Variants in ASAP1 observed in about 807,000 individuals in gnomAD.
ASAP1 encodes ArfGAP with SH3 domain, ankyrin repeat and PH domain 1.
Under a neutral mutation model 145.2 loss-of-function variants are expected in ASAP1, and 43 were observed. That is an observed-to-expected ratio of 0.30 (90% CI 0.23 to 0.38). The LOEUF (loss-of-function observed/expected upper bound fraction) is 0.38. ASAP1 is among the 10% of genes least tolerant of loss of function. The pLI is 1.00. For synonymous variants in ASAP1, 546 were observed against 515.5 expected (o/e 1.06, Z -0.80); for missense variants, 1,018 against 1,355.3 (o/e 0.75, Z 3.91).
rs71304303 is a variant in ASAP1 at position 130,283,587 on chromosome 8, GAAAAAAAAAAA to G, written c.187-46604_187-46594del. Among the ~76,000 whole-genome samples the G allele has an allele frequency of 1.4e-3, 29 of 20,882 alleles. 1 individual carries two copies. Among genetic ancestry groups the G allele is most frequent in the African/African-American group, 4.6e-3 (27 of 5,862 alleles). The allele number at this position is 20,882 out of a possible 152,430, so 13.7% of individuals were successfully genotyped here. A position where few individuals can be genotyped will look rare whatever the true frequency, so the allele number is the denominator to read the frequency against. On this transcript the variant is annotated intron_variant, in intron 3 of 29. Transcript: ENST00000518721. ...ACAGAACAAGACTCCATCACAGAAA[GAAAAAAAAAAA>G]AAAAAAAAAAAAAAAAGAAGGCAGG...
intron 14 of ASAP1, among the ~76,000 whole-genome samples, chr8:130,135,337 A>G (rs945513233): frequency 6.6e-6 from 1 of 152,116 alleles, no homozygotes; most frequent in African/African-American, 2.4e-5. Flanking sequence ...AAAAATTAAA[A>G]ATCAGCCAGA....
chr8:130,336,921 A>G (rs1825071985), intron 3 of ASAP1, among the ~76,000 whole-genome samples: 1 of 152,200 alleles, frequency 6.6e-6, no homozygotes. Flanking sequence ...TTATGAAAGA[A>G]TAAGAGAGAA....
chr8:130,119,230 C>T (rs182401142), intron 18 of ASAP1, among the ~76,000 whole-genome samples: 37 of 152,236 alleles, frequency 2.4e-4, no homozygotes, highest in African/African-American at 6.3e-4. Context: ...AGGTGTGAGC[C>T]GGCCTGTACC....
chr8:130,407,674 C>T (rs1260244703), intron 1 of ASAP1, among the ~76,000 whole-genome samples: 1 of 152,240 alleles, frequency 6.6e-6, no homozygotes, highest in Non-Finnish European at 1.5e-5. Flanking sequence ...TGCTTTTCCA[C>T]TGAAATTCTG....
At chr8:130,118,828 AAC>A (rs201887077) in intron 18 of ASAP1, 153 bp from the exon 19 acceptor site, 12,473 of 459,784 alleles carry the variant, frequency 0.027, 221 homozygotes, top group Non-Finnish European at 0.037. Flanking sequence ...AAATTACTCC[AAC>A]AGAGACAGAA....
chr8:130,092,978 GAAGA>G (rs1266427789), intron 24 of ASAP1, among the ~76,000 whole-genome samples: 8 of 146,260 alleles, frequency 5.5e-5, no homozygotes, highest in Non-Finnish European at 1.1e-4. Flanking sequence ...TCTAAATAAT[GAAGA>G]AAGAACTGGA....
At chr8:130,246,964 A>G (rs992776837) in intron 3 of ASAP1, 2 of 152,180 alleles carry the variant, frequency 1.3e-5, no homozygotes, top group Admixed American at 1.3e-4. Context: ...AAGAGGTCCA[A>G]CCTTTGCCTC....
At chr8:130,420,109 T>C (rs1829656030) in intron 1 of ASAP1, among the ~76,000 whole-genome samples, 1 of 152,064 alleles carries the variant, frequency 6.6e-6, no homozygotes, top group South Asian at 2.1e-4. Context: ...TACACCTACT[T>C]AAAGATTCCT....
At chr8:130,076,011 C>T (rs1437000465) in intron 27 of ASAP1, among the ~76,000 whole-genome samples, 1 of 152,174 alleles carries the variant, frequency 6.6e-6, no homozygotes, top group Non-Finnish European at 1.5e-5. Context: ...CTGCCCAAGG[C>T]CACACAGCTA....
At chr8:130,155,583 G>A (rs1458638801) in intron 12 of ASAP1, among the ~76,000 whole-genome samples, 1 of 152,188 alleles carries the variant, frequency 6.6e-6, no homozygotes, top group African/African-American at 2.4e-5. Flanking sequence ...GTGGGCTCAC[G>A]TGATCTGCCG....
chr8:130,056,808 G>T (rs2097405286), intron 29 of ASAP1, among the ~76,000 whole-genome samples: 1 of 152,238 alleles, frequency 6.6e-6, no homozygotes, highest in African/African-American at 2.4e-5. Flanking sequence ...AGGCTGCCAA[G>T]GAAGGGGAAT....
At chr8:130,327,941 A>G (rs113962157) in intron 3 of ASAP1, among the ~76,000 whole-genome samples, 3 of 152,350 alleles carry the variant, frequency 2.0e-5, no homozygotes, top group Non-Finnish European at 4.4e-5. Flanking sequence ...TAGACTAATG[A>G]CATGGAGAAA....
At chr8:130,333,728 T>C (rs1217786705) in intron 3 of ASAP1, among the ~76,000 whole-genome samples, 1 of 152,164 alleles carries the variant, frequency 6.6e-6, no homozygotes, top group Non-Finnish European at 1.5e-5. Context: ...CACCAGAAGA[T>C]TAATATTTTC....
intron 27 of ASAP1, among the ~76,000 whole-genome samples, chr8:130,070,398 T>C (rs909090633): frequency 1.4e-4 from 21 of 152,274 alleles, no homozygotes; most frequent in African/African-American, 4.8e-4. Flanking sequence ...CTGGAGAATG[T>C]TTCCCCTACC....
intron 9 of ASAP1, among the ~76,000 whole-genome samples, chr8:130,172,016 T>C (rs1813626390): frequency 1.3e-5 from 2 of 152,212 alleles, no homozygotes; most frequent in South Asian, 4.1e-4. Flanking sequence ...GAAGAAGCAA[T>C]GGCTTTGGGG....
At chr8:130,343,951 G>A (rs1182408928) in intron 3 of ASAP1, among the ~76,000 whole-genome samples, 2 of 152,280 alleles carry the variant, frequency 1.3e-5, no homozygotes, top group Middle Eastern at 3.4e-3. Flanking sequence ...CTGGTTAGTG[G>A]GCTTATGGAT....
chr8:130,373,700 C>G (rs1474482620), intron 2 of ASAP1, among the ~76,000 whole-genome samples: 1 of 151,650 alleles, frequency 6.6e-6, no homozygotes, highest in Non-Finnish European at 1.5e-5. Flanking sequence ...AATACAAAAA[C>G]AGCCAGGCAT....
chr8:130,295,567 C>T (rs968975396), intron 3 of ASAP1, among the ~76,000 whole-genome samples: 4 of 152,174 alleles, frequency 2.6e-5, no homozygotes, highest in Non-Finnish European at 5.9e-5. Context: ...TATGAAACAT[C>T]TAGCAAAAAG....
chr8:130,102,212 C>A (rs1237053708), intron 24 of ASAP1, among the ~76,000 whole-genome samples: 1 of 152,204 alleles, frequency 6.6e-6, no homozygotes, highest in African/African-American at 2.4e-5. Flanking sequence ...TTCCCCCATT[C>A]AGGATGATTT....
Sources: gnomAD v4.1 joint callset for allele counts (sites outside exome capture counted in the v4.1 genomes callset) on GRCh38, gnomAD v4.1.1 for gene constraint, MANE v1.5 for transcripts, NCBI Gene and HGNC (gene_info 2026-07-23, HGNC 2026-07-21) for gene names.